Variants in PCDHGA7 observed in about 807,000 individuals in gnomAD.
The protein encoded by PCDHGA7 is protocadherin gamma subfamily A, 7, also known as protocadherin gamma-A7.
PCDHGA7 carries 44 observed loss-of-function variants against 58.3 expected under a neutral mutation model. That is an observed-to-expected ratio of 0.75 (90% CI 0.59 to 0.97). The LOEUF (loss-of-function observed/expected upper bound fraction) is 0.97. Ranked by LOEUF, PCDHGA7 falls within the 50% of genes least tolerant of loss-of-function variation. PCDHGA7 has a pLI of 0.00. For synonymous variants in PCDHGA7, 516 were observed against 504.2 expected (o/e 1.02, Z -0.31); for missense variants, 1,266 against 1,188.7 (o/e 1.06, Z -0.96).
intron 1 of PCDHGA7, chr5:141,422,819 TGAGA>T (rs766395950): frequency 6.2e-7 from 1 of 1,614,188 alleles, no homozygotes; most frequent in African/African-American, 1.3e-5. Flanking sequence ...GACTTAGAAC[TGAGA>T]GTGATAGCAC....
chr5:141,433,162 A>G, intron 1 of PCDHGA7: 1 of 1,613,890 alleles, frequency 6.2e-7, no homozygotes, highest in Non-Finnish European at 8.5e-7. Flanking sequence ...TATTTTCTAA[A>G]GACAGTCATG....
chr5:141,394,741 T>G (rs767167411), intron 1 of PCDHGA7: 5 of 1,613,414 alleles, frequency 3.1e-6, no homozygotes, highest in Non-Finnish European at 4.2e-6. Context: ...CAGAGCCTCG[T>G]GGTGGCCGTC....
In PCDHGA7 at chr5:141,485,589, A is replaced by G. The variant is rs1407992185; in HGVS notation, c.2425-9218A>G. 6.2e-7 allele frequency: 1 copy of G among 1,612,610 alleles called. No homozygotes were observed. Among genetic ancestry groups the G allele is most frequent in the Non-Finnish European group, 8.5e-7 (1 of 1,178,834 alleles). On this transcript the variant is annotated intron_variant, in intron 1 of 3. Coordinates refer to ENST00000518325, the MANE Select transcript of PCDHGA7 (RefSeq NM_018920.4). The surrounding 1 kb of genome is among the most constrained non-coding windows in gnomAD (Gnocchi z 5.7). Reference sequence around the variant, plus strand: ...CCCCGTTTTCCGCGGCAGCAGCTGGACTTGGAAATTGGGGAGGCAGCTCCT... The same window carrying G: ...CCCCGTTTTCCGCGGCAGCAGCTGGGCTTGGAAATTGGGGAGGCAGCTCCT...
At chr5:141,455,360 A>C (rs2098820130) in intron 1 of PCDHGA7, among the ~76,000 whole-genome samples, 1 of 152,112 alleles carries the variant, frequency 6.6e-6, no homozygotes, top group Non-Finnish European at 1.5e-5. Context: ...TTAATAGGCA[A>C]GAAGGAAGGG....
In PCDHGA7 at chr5:141,399,169, C is replaced by G. The variant is rs371809310; in HGVS notation, c.2424+13846C>G. On this transcript the variant is annotated intron_variant, in intron 1 of 3. Transcript: ENST00000518325. ...TAGCCCAGAAGTTACATTCCATTCT[C>G]TACTTGAAATGATTCTGGAAAACGC... 2.4e-5 allele frequency: 38 copies of G among 1,613,632 alleles called. No individual in the cohort carries two copies. In the African/African-American group the frequency reaches 4.0e-4, roughly 17 times the overall value.
chr5:141,383,500 G>T lies in PCDHGA7; in HGVS notation c.601G>T (p.Asp201Tyr). 1 of 1,613,078 alleles carries T rather than the reference G, an allele frequency of 6.2e-7. No individual in the cohort carries two copies. Among genetic ancestry groups the T allele is most frequent in the East Asian group, 2.2e-5 (1 of 44,854 alleles). ...GGAACTGGTGCTGGAGCGGGTGCTG[G>T]ACCGGGAGGAAGAGCGGGTTCACCA... ...YPELVLERVLDREEERVHHLV... is the reference protein window; with the variant it reads ...YPELVLERVLYREEERVHHLV... Residue 201 changes from aspartate to tyrosine, a missense_variant, in exon 1 of 4, where the codon GAC becomes TAC. Transcript: ENST00000518325.
At position 141,477,493 on chromosome 5, in the gene PCDHGA7, A is replaced by G. The variant is rs2154575835; in HGVS notation, c.2425-17314A>G. ...ATGACAACCCTCCACAATCTTCTCA[A>G]TCTTCCTACGACGTTTACATTGAAG... On this transcript the variant is annotated intron_variant, in intron 1 of 3. Transcript: ENST00000518325. This position sits in a 1 kb window ranked among gnomAD's most constrained non-coding sequence, Gnocchi z 4.9. 6.2e-7 allele frequency: 1 copy of G among 1,613,976 alleles called. No individual in the cohort carries two copies. The highest frequency in any genetic ancestry group is 1.6e-4 in the Middle Eastern group (1 of 6,062).
At chr5:141,436,335 A>T (rs2097814208) in intron 1 of PCDHGA7, among the ~76,000 whole-genome samples, 1 of 152,172 alleles carries the variant, frequency 6.6e-6, no homozygotes, top group African/African-American at 2.4e-5. Flanking sequence ...ACCATATCTC[A>T]AATATCAGTG....
At chr5:141,501,288 T>TATACAC (rs201660636) in intron 2 of PCDHGA7, among the ~76,000 whole-genome samples, 3,536 of 81,176 alleles carry the variant, frequency 0.044, 56 homozygotes, top group Admixed American at 0.065. Flanking sequence ...GATATTCCCT[T>TATACAC]ATACACACAC....
intron 1 of PCDHGA7, among the ~76,000 whole-genome samples, chr5:141,451,724 A>G (rs2098722682): frequency 6.6e-6 from 1 of 152,170 alleles, no homozygotes; most frequent in Non-Finnish European, 1.5e-5. Context: ...TCTACTAAAA[A>G]TACAAAAATT....
intron 1 of PCDHGA7, chr5:141,387,669 T>A: frequency 1.4e-6 from 1 of 693,784 alleles, no homozygotes; most frequent in East Asian, 2.8e-5. Context: ...GCGCTCCAGA[T>A]CTCCTCGCGC....
chr5:141,385,604 C>T, intron 1 of PCDHGA7: 1 of 1,188,174 alleles, frequency 8.4e-7, no homozygotes, highest in Non-Finnish European at 1.1e-6. Flanking sequence ...TTTCTTAACT[C>T]ATATATTTTA....
intron 1 of PCDHGA7, among the ~76,000 whole-genome samples, chr5:141,450,823 A>ATTT: frequency 7.5e-6 from 1 of 133,136 alleles, no homozygotes; most frequent in African/African-American, 2.9e-5. Flanking sequence ...TAATATTATT[A>ATTT]TTATTATTTT....
chr5:141,492,084 G>A (rs979755390), intron 1 of PCDHGA7, among the ~76,000 whole-genome samples: 1 of 152,236 alleles, frequency 6.6e-6, no homozygotes, highest in Non-Finnish European at 1.5e-5. Flanking sequence ...GCTCCGGCAC[G>A]CTTCGCCGGT....
At chr5:141,410,818 T>C (rs567397835) in intron 1 of PCDHGA7, 1 of 556,016 alleles carries the variant, frequency 1.8e-6, no homozygotes, top group African/African-American at 2.1e-5. Context: ...TGTAAAATAA[T>C]GTCACCAGAC....
At chr5:141,404,662 T>G (rs1314002801) in intron 1 of PCDHGA7, 1 of 1,614,208 alleles carries the variant, frequency 6.2e-7, no homozygotes, top group East Asian at 2.2e-5. Flanking sequence ...TCCCCACTGA[T>G]GGTTCTACTG....
intron 1 of PCDHGA7, chr5:141,403,695 G>A (rs376074779): frequency 6.2e-7 from 1 of 1,613,780 alleles, no homozygotes; most frequent in Non-Finnish European, 8.5e-7. Flanking sequence ...CGGATTTACC[G>A]AGTTAAAGTC....
chr5:141,424,750 A>T (rs2096838482), intron 1 of PCDHGA7: 1 of 152,114 alleles, frequency 6.6e-6, no homozygotes, highest in Admixed American at 6.5e-5. Context: ...CTTTCTTTAT[A>T]AGGTCATTCT....
chr5:141,397,438 G>A (rs1330293325), intron 1 of PCDHGA7, among the ~76,000 whole-genome samples: 5 of 152,140 alleles, frequency 3.3e-5, no homozygotes, highest in Admixed American at 2.6e-4. Context: ...CCTAATATGT[G>A]TAATATAAAA....
Sources: allele counts gnomAD v4.1 joint callset (sites outside exome capture counted in the v4.1 genomes callset), GRCh38; gene constraint gnomAD v4.1.1; non-coding constraint Gnocchi (gnomAD v3.1); transcripts MANE v1.5; gene names NCBI Gene and HGNC (gene_info 2026-07-23, HGNC 2026-07-21).